Variants in PLPP4 observed in about 807,000 individuals in gnomAD.
The protein encoded by PLPP4 is diacylglycerol pyrophosphate like 2.
A neutral mutation model predicts 32.2 loss-of-function variants in PLPP4; 20 were observed. The observed-to-expected ratio is 0.62, with a 90% CI of 0.44 to 0.90. PLPP4 has a LOEUF of 0.90. Among genes scored for constraint, PLPP4 ranks in the 40% least tolerant of loss-of-function variants. PLPP4 has a pLI of 0.00. For missense variants in PLPP4, 257 were observed against 353.1 expected (o/e 0.73, Z 2.18); for synonymous variants, 127 against 133.0 (o/e 0.95, Z 0.31).
chr10:120,582,793 CCCTCCCTCCCTT>C (rs1849578524), intron 6 of PLPP4, among the ~76,000 whole-genome samples: 2 of 121,452 alleles, frequency 1.6e-5, no homozygotes, highest in African/African-American at 6.2e-5. Context: ...CTCCCTCCCT[CCCTCCCTCCCTT>C]CCTTCCTTCC....
intron 1 of PLPP4, among the ~76,000 whole-genome samples, chr10:120,458,860 T>C (rs1043049376): frequency 2.0e-5 from 3 of 152,198 alleles, no homozygotes; most frequent in African/African-American, 7.2e-5. Context: ...TATTATGTGA[T>C]AGAAATGATA....
intron 5 of PLPP4, among the ~76,000 whole-genome samples, chr10:120,556,303 CT>C (rs1410974369): frequency 6.6e-6 from 1 of 152,062 alleles, no homozygotes; most frequent in African/African-American, 2.4e-5. Flanking sequence ...TATTTTTTGT[CT>C]CTCTTAAAGC....
At chr10:120,523,371 C>G (rs989691266) in intron 5 of PLPP4, among the ~76,000 whole-genome samples, 1 of 152,078 alleles carries the variant, frequency 6.6e-6, no homozygotes. Context: ...CGGCAGAACA[C>G]CCGTTTGGAG....
rs1263723590 is a variant in PLPP4 at position 120,545,939 on chromosome 10, T to C, written c.445+24844T>C. On this transcript the variant is annotated intron_variant, in intron 5 of 6. Transcript: ENST00000398250. ...GCAGGCAGATGAACGTGGAAGGATTTGACTTGTTGAGTCTTCCAGCCTTTA... is the reference window on the plus strand; with the variant it reads ...GCAGGCAGATGAACGTGGAAGGATTCGACTTGTTGAGTCTTCCAGCCTTTA... 9.9e-5 allele frequency among the ~76,000 whole-genome samples: 15 copies of C among 152,194 alleles called. 1 individual carries two copies. The highest frequency in any genetic ancestry group is 8.5e-4 in the Admixed American group (13 of 15,282).
chr10:120,519,949 G>C (rs969192958), intron 4 of PLPP4, among the ~76,000 whole-genome samples: 1 of 152,230 alleles, frequency 6.6e-6, no homozygotes. Context: ...TGAAGATCCA[G>C]GCGCTGGTGT....
At chr10:120,534,848 A>G (rs113509278) in intron 5 of PLPP4, among the ~76,000 whole-genome samples, 1,951 of 152,252 alleles carry the variant, frequency 0.013, 46 homozygotes, top group African/African-American at 0.045. Context: ...CATTGTCATC[A>G]TCCCTTCCAT....
In PLPP4 at chr10:120,589,809, T is replaced by C; in HGVS notation, c.*307T>C. The C allele has an allele frequency of 3.1e-6, 1 of 323,218 alleles. No homozygotes were observed. The highest frequency in any genetic ancestry group is 8.7e-4 in the Middle Eastern group (1 of 1,156). The allele number at this position is 323,218 out of a possible 1,614,324, so 20.0% of individuals were successfully genotyped here. On this transcript the variant is annotated 3_prime_UTR_variant, in exon 7 of 7. Coordinates refer to ENST00000398250, the MANE Select transcript of PLPP4 (RefSeq NM_001030059.3). ...TGCTGTAACAGCCACCTTCCTATGT[T>C]TTCATGGTTGTAAAACATAATAAAA...
chr10:120,504,544 A>C lies in PLPP4; in HGVS notation c.165+618A>C, dbSNP rs138426447. Among the ~76,000 whole-genome samples, 1,480 of 152,332 alleles carry C rather than the reference A, an allele frequency of 9.7e-3. 9 individuals carry two copies. The highest frequency in any genetic ancestry group is 0.015 in the Non-Finnish European group (1,002 of 68,032). ...TAAGCCAAAGCAACTAACTGGGCTA[A>C]AGTGTAAGAACTAACAGTTGATAGG... On this transcript the variant is annotated intron_variant, in intron 2 of 6. Transcript: ENST00000398250.
chr10:120,464,055 T>G (rs1310183528), intron 1 of PLPP4, among the ~76,000 whole-genome samples: 2 of 152,196 alleles, frequency 1.3e-5, no homozygotes, highest in African/African-American at 4.8e-5. Context: ...TCCTCCCACT[T>G]TGGCCTCCCA....
intron 1 of PLPP4, among the ~76,000 whole-genome samples, chr10:120,475,189 G>A (rs1391958839): frequency 6.6e-6 from 1 of 151,872 alleles, no homozygotes; most frequent in African/African-American, 2.4e-5. Context: ...ATACCCAGCA[G>A]CTCCCTGGGA....
chr10:120,562,669 A>T (rs1200549516), intron 5 of PLPP4, among the ~76,000 whole-genome samples: 1 of 152,234 alleles, frequency 6.6e-6, no homozygotes, highest in Non-Finnish European at 1.5e-5. Context: ...TAATGCGGTC[A>T]TTTATAGTAA....
At chr10:120,557,425 G>A (rs1377102465) in intron 5 of PLPP4, among the ~76,000 whole-genome samples, 1 of 152,124 alleles carries the variant, frequency 6.6e-6, no homozygotes, top group Admixed American at 6.5e-5. Flanking sequence ...AGTGCCTCCG[G>A]AGAATGCCAT....
At chr10:120,571,701 A>G (rs1848948920) in intron 5 of PLPP4, among the ~76,000 whole-genome samples, 1 of 152,142 alleles carries the variant, frequency 6.6e-6, no homozygotes, top group South Asian at 2.1e-4. Context: ...CTTAGCTGCC[A>G]GGAAGAGTGT....
At chr10:120,478,498 G>A (rs1235250867) in intron 1 of PLPP4, among the ~76,000 whole-genome samples, 1 of 152,242 alleles carries the variant, frequency 6.6e-6, no homozygotes, top group Non-Finnish European at 1.5e-5. Flanking sequence ...TAGGCTTGAT[G>A]TAGGAAACTT....
intron 5 of PLPP4, among the ~76,000 whole-genome samples, chr10:120,563,777 G>GCAGTCCA (rs1485966621): frequency 1.8e-5 from 2 of 110,176 alleles, no homozygotes; most frequent in Non-Finnish European, 3.6e-5. Context: ...TCCGCAGTCC[G>GCAGTCCA]GCCTGGGCGA....
At chr10:120,500,661 A>T (rs1405135517) in intron 1 of PLPP4, among the ~76,000 whole-genome samples, 1 of 63,566 alleles carries the variant, frequency 1.6e-5, no homozygotes, top group Non-Finnish European at 2.8e-5. Flanking sequence ...AGTGCTAGAG[A>T]GGAAGGGTTT....
chr10:120,482,791 A>G (rs1463258901), intron 1 of PLPP4, among the ~76,000 whole-genome samples: 1 of 150,850 alleles, frequency 6.6e-6, no homozygotes, highest in African/African-American at 2.4e-5. Flanking sequence ...GGGTGCCTGT[A>G]GTCCCAGCTA....
At chr10:120,525,759 C>T (rs1431117771) in intron 5 of PLPP4, among the ~76,000 whole-genome samples, 1 of 152,234 alleles carries the variant, frequency 6.6e-6, no homozygotes, top group African/African-American at 2.4e-5. Context: ...CATTTCCATG[C>T]AGGATTCCAG....
At chr10:120,512,451 G>A (rs1264828247) in intron 2 of PLPP4, among the ~76,000 whole-genome samples, 3 of 152,190 alleles carry the variant, frequency 2.0e-5, no homozygotes, top group Admixed American at 1.3e-4. Flanking sequence ...AATGGTAGCA[G>A]GTAAGGAGAG....
Sources: allele counts gnomAD v4.1 joint callset (sites outside exome capture counted in the v4.1 genomes callset), GRCh38; gene constraint gnomAD v4.1.1; transcripts MANE v1.5; gene names NCBI Gene and HGNC (gene_info 2026-07-23, HGNC 2026-07-21).